Variants in TMEM117 observed in about 807,000 individuals in gnomAD.
TMEM117 encodes transmembrane protein 117.
In TMEM117, 27 loss-of-function variants were observed where a neutral mutation model predicts 52.4. The observed-to-expected ratio is 0.51, with a 90% CI of 0.38 to 0.71. The LOEUF is 0.71. Among genes scored for constraint, TMEM117 ranks in the 30% least tolerant of loss-of-function variants. The probability of loss-of-function intolerance (pLI) is 0.00; values close to 1 mark genes in which losing one functional copy is unlikely to be tolerated. For synonymous variants in TMEM117, 215 were observed against 206.3 expected (o/e 1.04, Z -0.36); for missense variants, 556 against 630.5 (o/e 0.88, Z 1.26).
intron 3 of TMEM117, among the ~76,000 whole-genome samples, chr12:44,094,817 A>T (rs1260455319): frequency 2.6e-5 from 4 of 152,006 alleles, no homozygotes; most frequent in Non-Finnish European, 5.9e-5. Flanking sequence ...ATACTCAACT[A>T]AAAAGGGGAG....
chr12:44,175,334 G>A (rs907566609), intron 4 of TMEM117, among the ~76,000 whole-genome samples: 1 of 152,112 alleles, frequency 6.6e-6, no homozygotes, highest in African/African-American at 2.4e-5. Context: ...AAATAGGGAG[G>A]AAGCAAGGAT....
the TMEM117 span, among the ~76,000 whole-genome samples, chr12:43,816,304 T>C: frequency 6.6e-6 from 1 of 152,164 alleles, no homozygotes; most frequent in Admixed American, 6.5e-5. Flanking sequence ...CTGACTTTAC[T>C]CACCTCCTGT....
chr12:43,883,859 A>G (rs973125426), intron 2 of TMEM117, among the ~76,000 whole-genome samples: 5 of 152,142 alleles, frequency 3.3e-5, no homozygotes, highest in African/African-American at 1.2e-4. Context: ...GCCTGTAGCC[A>G]GGCATAGTGG....
intron 2 of TMEM117, among the ~76,000 whole-genome samples, chr12:43,865,557 C>A (rs996829121): frequency 6.6e-6 from 1 of 151,784 alleles, no homozygotes; most frequent in African/African-American, 2.4e-5. Context: ...ATTAGCCGGG[C>A]GTGGTGGTGC....
intron 2 of TMEM117, among the ~76,000 whole-genome samples, chr12:43,922,962 A>G (rs1306546784): frequency 6.6e-6 from 1 of 152,174 alleles, no homozygotes; most frequent in Non-Finnish European, 1.5e-5. Flanking sequence ...GGGACTTCCC[A>G]ATACTAAACT....
the TMEM117 span, chr12:43,797,920 A>G: frequency 1.4e-6 from 2 of 1,389,026 alleles, no homozygotes; most frequent in East Asian, 4.7e-5. Context: ...ATAAAATAGT[A>G]TCATTCAACC....
chr12:44,300,648 TA>T (rs143664855), intron 6 of TMEM117, among the ~76,000 whole-genome samples: 7,103 of 152,296 alleles, frequency 0.047, 342 homozygotes, highest in African/African-American at 0.12. Flanking sequence ...TGATTTTTTT[TA>T]AATTTGTTAA....
At chr12:43,935,489 CA>C (rs1472484753) in intron 2 of TMEM117, among the ~76,000 whole-genome samples, 1 of 152,096 alleles carries the variant, frequency 6.6e-6, no homozygotes, top group Non-Finnish European at 1.5e-5. Flanking sequence ...AGAATGTTAT[CA>C]GTTTGTTACT....
At position 44,211,348 on chromosome 12, in the gene TMEM117, C is replaced by A. The variant is rs868635354; in HGVS notation, c.569C>A (p.Ala190Asp). The A allele has an allele frequency of 1.9e-6, 3 of 1,611,882 alleles. No individual in the cohort carries two copies. Among genetic ancestry groups the A allele is most frequent in the African/African-American group, 1.3e-5 (1 of 74,918 alleles). ...PYPDWGKSAR[A>D]FWKKGNVRIT... ...CCTGACTGGGGAAAATCAGCAAGAGCTTTCTGGAAGAAAGGAAATGTTAGG... is the reference window on the plus strand; with the variant it reads ...CCTGACTGGGGAAAATCAGCAAGAGATTTCTGGAAGAAAGGAAATGTTAGG... The change falls in exon 5 of 8, where the codon GCT (alanine) becomes GAT (aspartate). Residue 190 changes from alanine (A) to aspartate (D), a missense_variant. By Grantham distance (126) the Ala-to-Asp change is moderately radical. Coordinates refer to ENST00000266534, the MANE Select transcript of TMEM117 (RefSeq NM_032256.3).
chr12:44,078,533 G>A (rs1947419670), intron 3 of TMEM117, among the ~76,000 whole-genome samples: 1 of 152,180 alleles, frequency 6.6e-6, no homozygotes, highest in Non-Finnish European at 1.5e-5. Context: ...TGCACGATTG[G>A]ATGAACCACA....
intron 4 of TMEM117, among the ~76,000 whole-genome samples, chr12:44,183,235 A>G (rs1949230523): frequency 6.6e-6 from 1 of 152,194 alleles, no homozygotes. Context: ...TAAAAATGCC[A>G]TTGTTTATTT....
intron 3 of TMEM117, among the ~76,000 whole-genome samples, chr12:44,004,487 A>G (rs1265820417): frequency 1.3e-5 from 2 of 152,150 alleles, no homozygotes; most frequent in South Asian, 2.1e-4. Flanking sequence ...AGGAAGTTGA[A>G]TTTCCCCTTT....
chr12:43,806,479 G>A, the TMEM117 span: 1 of 864,896 alleles, frequency 1.2e-6, no homozygotes, highest in Non-Finnish European at 1.5e-6. Flanking sequence ...TTCTCTGCTT[G>A]GGGTCCTGCT....
intron 3 of TMEM117, among the ~76,000 whole-genome samples, chr12:44,135,762 T>C (rs183576318): frequency 6.6e-6 from 1 of 152,356 alleles, no homozygotes; most frequent in Admixed American, 6.5e-5. Flanking sequence ...TTCATTTTAT[T>C]ATATACAGTG....
intron 6 of TMEM117, among the ~76,000 whole-genome samples, chr12:44,370,377 A>G (rs1951846222): frequency 6.6e-6 from 1 of 152,216 alleles, no homozygotes; most frequent in African/African-American, 2.4e-5. Context: ...AAATAAGACA[A>G]CCAATTTTTA....
chr12:44,227,643 T>G (rs1173977024), intron 5 of TMEM117, among the ~76,000 whole-genome samples: 1 of 152,144 alleles, frequency 6.6e-6, no homozygotes, highest in Non-Finnish European at 1.5e-5. Flanking sequence ...AACAATAATT[T>G]TATTTTATAT....
At chr12:43,883,600 G>T (rs1467288412) in intron 2 of TMEM117, among the ~76,000 whole-genome samples, 2 of 152,178 alleles carry the variant, frequency 1.3e-5, no homozygotes, top group Non-Finnish European at 2.9e-5. Context: ...ATAAGGGAAT[G>T]AATCAGTTGG....
Position 44,252,921 on chromosome 12 carries a change from G to A in TMEM117, c.608+41534G>A, listed in dbSNP as rs556650091. Among the ~76,000 whole-genome samples, 20 of 152,246 alleles carry A rather than the reference G, an allele frequency of 1.3e-4. No individual in the cohort carries two copies. The South Asian group carries it at 4.2e-3, about 32-fold the overall frequency. Reference sequence around the variant, plus strand: ...TAAAGCTTCTGAAGTAAAATTTAATGGTTGTGGTTATTAATTATTTAGCAA... The same window carrying A: ...TAAAGCTTCTGAAGTAAAATTTAATAGTTGTGGTTATTAATTATTTAGCAA... On this transcript the variant is annotated intron_variant, in intron 5 of 7. Transcript: ENST00000266534.
chr12:44,152,936 A>G (rs12312664), intron 4 of TMEM117, among the ~76,000 whole-genome samples: 2,413 of 149,622 alleles, frequency 0.016, 71 homozygotes, highest in African/African-American at 0.055. Context: ...ATTTATATAT[A>G]CTTAAGAATA....
Sources: allele counts gnomAD v4.1 joint callset (sites outside exome capture counted in the v4.1 genomes callset), GRCh38; gene constraint gnomAD v4.1.1; transcripts MANE v1.5; gene names NCBI Gene and HGNC (gene_info 2026-07-23, HGNC 2026-07-21).